The following AQP4 variants were observed in gnomAD, a reference collection of about 807,000 sequenced individuals.
The protein encoded by AQP4 is aquaporin-4.
Under a neutral mutation model 27.8 loss-of-function variants are expected in AQP4, and 18 were observed. That is an observed-to-expected ratio of 0.65 (90% CI 0.45 to 0.96). The LOEUF (loss-of-function observed/expected upper bound fraction) is 0.96. Among genes scored for constraint, AQP4 ranks in the 40% least tolerant of loss-of-function variants. The probability of loss-of-function intolerance (pLI) is 0.00; values close to 1 mark genes in which losing one functional copy is unlikely to be tolerated. For missense variants in AQP4, 412 were observed against 408.2 expected, an observed-to-expected ratio of 1.01 and a Z score of -0.08; for synonymous variants, 141 against 142.9, an observed-to-expected ratio of 0.99 and a Z score of 0.10.
At chr18:26,864,039 T>G (rs60167774) in intron 1 of AQP4, among the ~76,000 whole-genome samples, 1,540 of 152,242 alleles carry the variant, frequency 0.01, 35 homozygotes, top group African/African-American at 0.034. Flanking sequence ...ATCTAAGACT[T>G]TTGCCCTTGT....
intron 4 of AQP4, 64 bp downstream of exon 4, chr18:26,860,708 A>C: frequency 7.0e-7 from 1 of 1,419,348 alleles, no homozygotes; most frequent in East Asian, 2.3e-5. Context: ...ATGAAAAATA[A>C]AAGAGCCCCA....
rs1253372069 is a variant in AQP4, at chr18:26,862,353, G to A, written c.276C>T (p.Ser92=). 8.7e-6 allele frequency: 14 copies of A among 1,614,180 alleles called. No individual in the cohort carries two copies. In the Admixed American group the frequency reaches 1.5e-4, roughly 17 times the overall value. The part of the protein sequence containing the change: ...ATMVQCFGHI[S]GGHINPAVTV... ...TCACTGCAGGGTTGATGTGGCCACCGCTGATATGGCCAAAGCACTGCACCA... is the reference window on the plus strand; with the variant it reads ...TCACTGCAGGGTTGATGTGGCCACCACTGATATGGCCAAAGCACTGCACCA... Residue 92 remains serine, a synonymous_variant, in exon 2 of 5, where the codon AGC becomes AGT. Transcript: ENST00000383168.
In AQP4 at chr18:26,862,293, G is replaced by C. The variant is rs771087375; in HGVS notation, c.336C>G (p.Ile112Met). ...CTGCGATGTAGAAGACAGACTTGGC[G>C]ATGCTGATCTTCCTGGTGCACACCA... ...VAMVCTRKIS[I>M]AKSVFYIAAQ... Residue 112 changes from isoleucine to methionine, a missense_variant, in exon 2 of 5, where the codon ATC becomes ATG. By Grantham distance (10) the Ile-to-Met change is conservative (BLOSUM62 1). Transcript: ENST00000383168. 1 of 1,614,216 alleles carries C rather than the reference G, an allele frequency of 6.2e-7. No homozygotes were observed.
At chr18:26,865,091 A>G (rs964987720) in intron 1 of AQP4, 3 of 152,386 alleles carry the variant, frequency 2.0e-5, no homozygotes, top group Admixed American at 1.9e-4. Flanking sequence ...AGGCAGATGG[A>G]CCAGCCTCAC....
intron 1 of AQP4, among the ~76,000 whole-genome samples, chr18:26,863,414 C>T (rs1379685068): frequency 1.3e-5 from 2 of 152,146 alleles, no homozygotes; most frequent in East Asian, 3.9e-4. Context: ...GTGGCAGGCT[C>T]CCGGGCGGCG....
intron 2 of AQP4, 48 bp downstream of exon 2, chr18:26,862,134 T>G (rs752602841): frequency 8.1e-6 from 13 of 1,601,738 alleles, no homozygotes; most frequent in Non-Finnish European, 1.1e-5. Flanking sequence ...TAGCAAAGAG[T>G]TTGCAAGAAG....
rs2054842785 is a variant in AQP4 at position 26,856,331 on chromosome 18, C to T, written c.852G>A (p.Arg284=). 2 of 1,614,248 alleles carry T rather than the reference C, an allele frequency of 1.2e-6. No individual in the cohort carries two copies. Among genetic ancestry groups the T allele is most frequent in the Non-Finnish European group, 8.5e-7 (1 of 1,180,048 alleles). The part of the protein sequence containing the change: ...KGSYMEVEDN[R]SQVETDDLIL... ...TCAGGTCATCCGTCTCTACCTGACT[C>T]CTGTTGTCCTCCACCTCCATGTAGC... The change falls in exon 5 of 5, where the codon AGG becomes AGA. Residue 284 remains arginine (R), a synonymous_variant. Coordinates refer to ENST00000383168, the MANE Select transcript of AQP4 (RefSeq NM_001650.7).
At chr18:26,861,384 C>T in intron 2 of AQP4, 89 bp from the exon 3 acceptor site, 1 of 1,366,566 alleles carries the variant, frequency 7.3e-7, no homozygotes, top group Non-Finnish European at 1.0e-6. Context: ...CACATTTTAT[C>T]TGTGTAAAAA....
chr18:26,862,776 C>G (rs2054978817), intron 1 of AQP4, 180 bp from the exon 2 acceptor site: 1 of 732,054 alleles, frequency 1.4e-6, no homozygotes, highest in African/African-American at 1.8e-5. Flanking sequence ...GACTGTTATT[C>G]TAGTCTCCTT....
chr18:26,863,490 G>A (rs115665627), intron 1 of AQP4, among the ~76,000 whole-genome samples: 1 of 152,158 alleles, frequency 6.6e-6, no homozygotes, highest in South Asian at 2.1e-4. Context: ...GGTGCATCCT[G>A]GCCGCTGGAG....
intron 4 of AQP4, among the ~76,000 whole-genome samples, chr18:26,859,781 C>T (rs918638056): frequency 1.3e-5 from 2 of 152,152 alleles, no homozygotes; most frequent in Admixed American, 1.3e-4. Context: ...TTGCAGTGTA[C>T]ACCATAGATG....
Position 26,861,218 on chromosome 18 carries a change from A to G in AQP4, c.525T>C (p.Phe175=). Reference sequence around the variant, plus strand: ...CAGTCCGTTTGGAATCACAGCTGGCAAAGATAGTAAACACCAATTGAAATG... The same window carrying G: ...CAGTCCGTTTGGAATCACAGCTGGCGAAGATAGTAAACACCAATTGAAATG... ...IITFQLVFTI[F]ASCDSKRTDV... The change falls in exon 3 of 5, where the codon TTT becomes TTC. Residue 175 remains phenylalanine, a synonymous_variant. Coordinates refer to ENST00000383168, the MANE Select transcript of AQP4 (RefSeq NM_001650.7). 6.2e-7 allele frequency: 1 copy of G among 1,614,142 alleles called. No homozygotes were observed. Among genetic ancestry groups the G allele is most frequent in the Non-Finnish European group, 8.5e-7 (1 of 1,179,974 alleles).
Position 26,856,059 on chromosome 18 carries a change from T to G in AQP4, c.*152A>C. ...TTTCTTCCGTTCCTCCTTTGTAAAT[T>G]ATGAAATATTTATTGTTTAGACTGA... On this transcript the variant is annotated 3_prime_UTR_variant, in exon 5 of 5. Transcript: ENST00000383168. 1 of 940,408 alleles carries G rather than the reference T, an allele frequency of 1.1e-6. No individual in the cohort carries two copies. Among genetic ancestry groups the G allele is most frequent in the Non-Finnish European group, 1.6e-6 (1 of 616,006 alleles). The allele number at this position is 940,408 out of a possible 1,614,324, so 58.3% of individuals were successfully genotyped here.
At chr18:26,863,808 T>C (rs1335054332) in intron 1 of AQP4, among the ~76,000 whole-genome samples, 2 of 152,178 alleles carry the variant, frequency 1.3e-5, no homozygotes, top group East Asian at 3.9e-4. Context: ...TATAGGACAG[T>C]GTGTCTCACC....
chr18:26,856,115 A>G lies in AQP4; in HGVS notation c.*96T>C. On this transcript the variant is annotated 3_prime_UTR_variant, in exon 5 of 5. Coordinates refer to ENST00000383168, the MANE Select transcript of AQP4 (RefSeq NM_001650.7). ...ATGACATGAAACAACAAACCTGCAC[A>G]TTTCTAATTTATAACAAATCTGTTT... is the stretch of plus-strand genomic sequence containing the variant. 6.8e-7 allele frequency: 1 copy of G among 1,477,598 alleles called. No homozygotes were observed. The highest frequency in any genetic ancestry group is 9.4e-7 in the Non-Finnish European group (1 of 1,060,024). 91.5% of individuals were successfully genotyped at this position (1,477,598 alleles called of 1,614,324 possible).
chr18:26,856,347 T>G lies in AQP4; in HGVS notation c.836A>C (p.Glu279Ala), dbSNP rs199882615. ...TACCTGACTCCTGTTGTCCTCCACCTCCATGTAGCTTCCTTTTGTTTGCTG... is the reference window on the plus strand; with the variant it reads ...TACCTGACTCCTGTTGTCCTCCACCGCCATGTAGCTTCCTTTTGTTTGCTG... Reference protein sequence around the residue: ...AAQQTKGSYMEVEDNRSQVET... With the variant: ...AAQQTKGSYMAVEDNRSQVET... Residue 279 changes from glutamate to alanine, a missense_variant, in exon 5 of 5, where the codon GAG becomes GCG. By Grantham distance (107) the Glu-to-Ala change is moderately radical. Coordinates refer to ENST00000383168, the MANE Select transcript of AQP4 (RefSeq NM_001650.7). The G allele has an allele frequency of 1.2e-6, 2 of 1,614,112 alleles. No homozygotes were observed. The highest frequency in any genetic ancestry group is 1.7e-6 in the Non-Finnish European group (2 of 1,180,046).
chr18:26,863,966 T>G (rs1421523537), intron 1 of AQP4, among the ~76,000 whole-genome samples: 1 of 146,486 alleles, frequency 6.8e-6, no homozygotes, highest in African/African-American at 2.6e-5. Flanking sequence ...CTGCTCATTC[T>G]GGCAGGAAAT....
chr18:26,863,653 G>A (rs935124913), intron 1 of AQP4, among the ~76,000 whole-genome samples: 4 of 152,238 alleles, frequency 2.6e-5, no homozygotes, highest in African/African-American at 9.6e-5. Context: ...CAATGCCCCG[G>A]TACCTTTCCT....
At chr18:26,862,683 G>T in intron 1 of AQP4, 87 bp from the exon 2 acceptor site, 1 of 1,583,818 alleles carries the variant, frequency 6.3e-7, no homozygotes. Context: ...CCATCTTCGG[G>T]TACTGTGGGC....
Sources: allele counts gnomAD v4.1 joint callset (sites outside exome capture counted in the v4.1 genomes callset), GRCh38; gene constraint gnomAD v4.1.1; transcripts MANE v1.5; gene names NCBI Gene and HGNC (gene_info 2026-07-23, HGNC 2026-07-21).